Variants in GRM7 observed in about 807,000 individuals in gnomAD.
The protein encoded by GRM7 is glutamate metabotropic receptor 7.
Under a neutral mutation model 84.5 loss-of-function variants are expected in GRM7, and 35 were observed. That is an observed-to-expected ratio of 0.41 (90% CI 0.32 to 0.55). GRM7 has a LOEUF of 0.55. Among genes scored for constraint, GRM7 ranks in the 20% least tolerant of loss-of-function variants. GRM7 has a pLI of 0.19. For synonymous variants in GRM7, 487 were observed against 455.1 expected (o/e 1.07, Z -0.89); for missense variants, 1,003 against 1,194.6 (o/e 0.84, Z 2.36).
At chr3:7,666,770 ATATAT>A (rs1559474889) in intron 8 of GRM7, among the ~76,000 whole-genome samples, 1 of 152,108 alleles carries the variant, frequency 6.6e-6, no homozygotes, top group Non-Finnish European at 1.5e-5. Flanking sequence ...TTCTTATTAC[ATATAT>A]TATATATTGC....
chr3:7,687,163 TGAACATTGGTTATACCCAA>T (rs1700619193), intron 9 of GRM7, among the ~76,000 whole-genome samples: 1 of 152,190 alleles, frequency 6.6e-6, no homozygotes, highest in South Asian at 2.1e-4. Context: ...AAGATTAGTT[TGAACATTGGTTATACCCAA>T]GAAATACCAA....
chr3:6,937,040 G>T (rs1697717290), intron 1 of GRM7, among the ~76,000 whole-genome samples: 1 of 152,140 alleles, frequency 6.6e-6, no homozygotes, highest in African/African-American at 2.4e-5. Flanking sequence ...ATATTATTTA[G>T]GGGTATAATG....
In GRM7 at chr3:6,863,480, C is replaced by T. The variant is rs1694834709; in HGVS notation, c.519+1573C>T. Among the ~76,000 whole-genome samples, 1 of 152,292 alleles carries T rather than the reference C, an allele frequency of 6.6e-6. No individual in the cohort carries two copies. Among genetic ancestry groups the T allele is most frequent in the Non-Finnish European group, 1.5e-5 (1 of 68,024 alleles). Reference sequence around the variant, plus strand: ...GAGGAGTGCCCATCCAAGGCTGCAGCTTGCATGGCCCCTCTGATCCTCTGA... The same window carrying T: ...GAGGAGTGCCCATCCAAGGCTGCAGTTTGCATGGCCCCTCTGATCCTCTGA... On this transcript the variant is annotated intron_variant, in intron 1 of 9. Transcript: ENST00000357716. This position sits in a 1 kb window ranked among gnomAD's most constrained non-coding sequence, Gnocchi z 4.8.
Position 7,313,220 on chromosome 3 carries a change from C to T in GRM7, c.1033+6568C>T, listed in dbSNP as rs150545227. On this transcript the variant is annotated intron_variant, in intron 4 of 9. Coordinates refer to ENST00000357716, the MANE Select transcript of GRM7 (RefSeq NM_000844.4). ...CTGGGATTACAGGCGTGACCCACTG[C>T]GCCCAGCCTCTCCTCCTGTTTTTAA... Among the ~76,000 whole-genome samples, 788 of 152,216 alleles carry T rather than the reference C, an allele frequency of 5.2e-3. 10 individuals are homozygous for T. The highest frequency in any genetic ancestry group is 0.018 in the African/African-American group (757 of 41,540).
chr3:7,300,307 T>C (rs41346444), intron 3 of GRM7, among the ~76,000 whole-genome samples: 72,238 of 152,144 alleles, frequency 0.47, 18,842 homozygotes, highest in Non-Finnish European at 0.6. Flanking sequence ...CCCTGCTTTG[T>C]GTATCCTAGA....
chr3:7,699,360 A>G lies in GRM7; in HGVS notation c.2698+19065A>G, dbSNP rs556990959. ...ACAGTTGGTGACAATGGGAAAAAAT[A>G]GAAGTATTCTTCCTTCAACTCTCTA... On this transcript the variant is annotated intron_variant, in intron 9 of 9. Transcript: ENST00000357716. Among the ~76,000 whole-genome samples, 5 of 152,342 alleles carry G rather than the reference A, an allele frequency of 3.3e-5. No homozygotes were observed. The South Asian group carries it at 1.0e-3, about 32-fold the overall frequency.
intron 1 of GRM7, among the ~76,000 whole-genome samples, chr3:6,891,377 T>C (rs1315077553): frequency 6.6e-6 from 1 of 152,248 alleles, no homozygotes; most frequent in South Asian, 2.1e-4. Flanking sequence ...GTACCGGTTG[T>C]TGCTTTCCGC....
Position 7,298,710 on chromosome 3 carries a change from A to G in GRM7, c.763A>G (p.Arg255Gly), listed in dbSNP as rs1699896783. 1.2e-6 allele frequency: 2 copies of G among 1,613,564 alleles called. No individual in the cohort carries two copies. Among genetic ancestry groups the G allele is most frequent in the Non-Finnish European group, 1.7e-6 (2 of 1,179,508 alleles). ...AGGLCIAQSV[R>G]IPQERKDRTI... The stretch of plus-strand genomic sequence containing the variant: ...TGGACTCTGCATTGCCCAGTCCGTG[A>G]GAATCCCCCAGGAACGCAAAGACAG... The change falls in exon 3 of 10, where the codon AGA becomes GGA. Residue 255 changes from arginine to glycine, a missense_variant. Around this residue, in one of 2 missense-constraint regions of GRM7, gnomAD observed 910 missense variants for 1,126.0 expected, o/e 0.81. Transcript: ENST00000357716.
At chr3:7,503,365 AAG>A (rs1699940633) in intron 7 of GRM7, among the ~76,000 whole-genome samples, 1 of 151,858 alleles carries the variant, frequency 6.6e-6, no homozygotes, top group East Asian at 1.9e-4. Flanking sequence ...CCTTTCCACC[AAG>A]AGAATAAAAT....
intron 2 of GRM7, among the ~76,000 whole-genome samples, chr3:7,178,411 A>G (rs1695225314): frequency 6.6e-6 from 1 of 152,046 alleles, no homozygotes; most frequent in Admixed American, 6.6e-5. Context: ...AAATGACCCA[A>G]TGAGCTTGCC....
chr3:7,259,268 T>C (rs1179176802), intron 2 of GRM7, among the ~76,000 whole-genome samples: 1 of 152,218 alleles, frequency 6.6e-6, no homozygotes, highest in Non-Finnish European at 1.5e-5. Context: ...TGAGCAAGTG[T>C]ATTTATTTAT....
rs545398160 is a variant in GRM7 at position 7,486,357 on chromosome 3, G to A, written c.1515+24635G>A. Reference sequence around the variant, plus strand: ...TCTATCTCTGCTATGATTTGAATATGACTTGTCCTCAGCAAAACTGAGGAC... The same window carrying A: ...TCTATCTCTGCTATGATTTGAATATAACTTGTCCTCAGCAAAACTGAGGAC... On this transcript the variant is annotated intron_variant, in intron 7 of 9. Coordinates refer to ENST00000357716, the MANE Select transcript of GRM7 (RefSeq NM_000844.4). The surrounding 1 kb of genome is among the most constrained non-coding windows in gnomAD (Gnocchi z 5.5). Among the ~76,000 whole-genome samples, 50 of 152,216 alleles carry A rather than the reference G, an allele frequency of 3.3e-4. No homozygotes were observed. Among genetic ancestry groups the A allele is most frequent in the African/African-American group, 1.1e-3 (46 of 41,552 alleles).
chr3:7,118,176 A>C (rs1693102373), intron 1 of GRM7, among the ~76,000 whole-genome samples: 1 of 152,166 alleles, frequency 6.6e-6, no homozygotes, highest in African/African-American at 2.4e-5. Flanking sequence ...ACTTGAGCCC[A>C]GGAGCTAGAG....
intron 4 of GRM7, among the ~76,000 whole-genome samples, chr3:7,404,941 C>T (rs1695611270): frequency 6.6e-6 from 1 of 152,142 alleles, no homozygotes; most frequent in South Asian, 2.1e-4. Flanking sequence ...TATGAAGATA[C>T]TGAACATATT....
intron 7 of GRM7, among the ~76,000 whole-genome samples, chr3:7,526,392 T>C (rs1238345921): frequency 6.6e-6 from 1 of 151,572 alleles, no homozygotes; most frequent in Non-Finnish European, 1.5e-5. Flanking sequence ...TAATGTTTTT[T>C]TCCTTGATTT....
intron 4 of GRM7, among the ~76,000 whole-genome samples, chr3:7,386,078 A>G (rs374837032): frequency 5.4e-4 from 82 of 152,274 alleles, no homozygotes; most frequent in African/African-American, 1.9e-3. Flanking sequence ...ACAAAACAAA[A>G]CAAAACATGG....
intron 7 of GRM7, among the ~76,000 whole-genome samples, chr3:7,488,865 A>ATTTATTTATTTATTTG (rs1198893828): frequency 1.4e-5 from 2 of 147,526 alleles, no homozygotes; most frequent in African/African-American, 2.6e-5. Context: ...GGTCTTATTT[A>ATTTATTTATTTATTTG]TTTATTTATT....
At chr3:6,867,501 T>C (rs1473096539) in intron 1 of GRM7, among the ~76,000 whole-genome samples, 1 of 152,180 alleles carries the variant, frequency 6.6e-6, no homozygotes, top group Non-Finnish European at 1.5e-5. Flanking sequence ...TTCCTTTCAT[T>C]AAAGCAAATC....
intron 8 of GRM7, among the ~76,000 whole-genome samples, chr3:7,617,130 T>C (rs1177644026): frequency 6.6e-6 from 1 of 152,056 alleles, no homozygotes; most frequent in East Asian, 1.9e-4. Context: ...TCTTTGTGTG[T>C]GTGTGAAAAA....
Sources: allele counts gnomAD v4.1 joint callset (sites outside exome capture counted in the v4.1 genomes callset), GRCh38; gene constraint gnomAD v4.1.1; regional missense constraint gnomAD v4.1.1; non-coding constraint Gnocchi (gnomAD v3.1); transcripts MANE v1.5; gene names NCBI Gene and HGNC (gene_info 2026-07-23, HGNC 2026-07-21).